Variants in NIPA1 observed in about 807,000 individuals in gnomAD.
The protein encoded by NIPA1 is magnesium transporter NIPA1.
Under a neutral mutation model 23.9 loss-of-function variants are expected in NIPA1, and 13 were observed. The observed-to-expected ratio is 0.54, with a 90% CI of 0.35 to 0.87. NIPA1 has a LOEUF of 0.87. NIPA1 is among the 40% of genes least tolerant of loss of function. The probability of loss-of-function intolerance (pLI) is 0.01; values close to 1 mark genes in which losing one functional copy is unlikely to be tolerated. For synonymous variants in NIPA1, 234 were observed against 202.9 expected, an observed-to-expected ratio of 1.15 and a Z score of -1.30; for missense variants, 362 against 429.7, an observed-to-expected ratio of 0.84 and a Z score of 1.39.
intron 1 of NIPA1, among the ~76,000 whole-genome samples, chr15:22,791,671 G>T (rs1310238256): frequency 6.6e-6 from 1 of 151,572 alleles, no homozygotes; most frequent in Non-Finnish European, 1.5e-5. Flanking sequence ...TTGAGTAGAG[G>T]CAGGGTTTCA....
rs1315313340 is a variant in NIPA1 at position 22,825,646 on chromosome 15, C to T, written c.*1407C>T. ...ATAGCTCATATATCGAGTACCCTGTCATACAGGAACAAGTTAAAGGACACA... is the reference window on the plus strand; with the variant it reads ...ATAGCTCATATATCGAGTACCCTGTTATACAGGAACAAGTTAAAGGACACA... On this transcript the variant is annotated 3_prime_UTR_variant, in exon 5 of 5. Transcript: ENST00000337435. 3.3e-5 allele frequency: 5 copies of T among 152,166 alleles called. No homozygotes were observed. Among genetic ancestry groups the T allele is most frequent in the East Asian group, 1.9e-4 (1 of 5,196 alleles). 9.4% of individuals were successfully genotyped at this position (152,166 alleles called of 1,614,324 possible).
intron 3 of NIPA1, among the ~76,000 whole-genome samples, chr15:22,815,046 A>T (rs1403443231): frequency 6.6e-6 from 1 of 152,156 alleles, no homozygotes; most frequent in African/African-American, 2.4e-5. Flanking sequence ...CTGCGGGGCA[A>T]ACCACCCCTG....
At chr15:22,809,283 A>G (rs892350530) in intron 1 of NIPA1, among the ~76,000 whole-genome samples, 1 of 152,100 alleles carries the variant, frequency 6.6e-6, no homozygotes, top group African/African-American at 2.4e-5. Context: ...GCTACTTGGG[A>G]GGCTGAAGCA....
intron 3 of NIPA1, among the ~76,000 whole-genome samples, chr15:22,813,325 T>C (rs917690810): frequency 3.7e-4 from 56 of 152,116 alleles, no homozygotes; most frequent in African/African-American, 1.3e-3. Context: ...TTCTCCATTT[T>C]AAATCATCTT....
chr15:22,825,229 C>CA lies in NIPA1; in HGVS notation c.*992dup, dbSNP rs1385341788. The CA allele has an allele frequency of 6.6e-6, 1 of 152,152 alleles. No individual in the cohort carries two copies. Among genetic ancestry groups the CA allele is most frequent in the African/African-American group, 2.4e-5 (1 of 41,402 alleles). 9.4% of individuals were successfully genotyped at this position (152,152 alleles called of 1,614,324 possible). ...ATGTGACCGCACTGAATACCGCAGG[C>CA]AATTGTAACACAGTGGTGAGTATTT... On this transcript the variant is annotated 3_prime_UTR_variant, in exon 5 of 5. Coordinates refer to ENST00000337435, the MANE Select transcript of NIPA1 (RefSeq NM_144599.5).
Position 22,786,675 on chromosome 15 carries a change from G to T in NIPA1, c.19G>T (p.Ala7Ser). Residue 7 changes from alanine (A) to serine (S), a missense_variant, in exon 1 of 5, where the codon GCA (alanine) becomes TCA (serine). Physicochemically the swap from Ala to Ser is moderately conservative, Grantham distance 99 (BLOSUM62 1). Coordinates refer to ENST00000337435, the MANE Select transcript of NIPA1 (RefSeq NM_144599.5). The part of the protein sequence containing the change: MGTAAA[A>S]AAAAAAAAAG... ...GGGCGGAATGGGGACTGCAGCTGCGGCAGCGGCGGCGGCGGCGGCGGCGGC... is the reference window on the plus strand; with the variant it reads ...GGGCGGAATGGGGACTGCAGCTGCGTCAGCGGCGGCGGCGGCGGCGGCGGC... 9.3e-7 allele frequency: 1 copy of T among 1,076,532 alleles called. No homozygotes were observed. Among genetic ancestry groups the T allele is most frequent in the Admixed American group, 5.0e-5 (1 of 19,998 alleles). 66.7% of individuals were successfully genotyped at this position (1,076,532 alleles called of 1,614,324 possible). A position where few individuals can be genotyped will look rare whatever the true frequency, so the allele number is the denominator to read the frequency against.
intron 1 of NIPA1, among the ~76,000 whole-genome samples, chr15:22,806,063 A>T (rs1895203431): frequency 6.6e-6 from 1 of 152,098 alleles, no homozygotes; most frequent in South Asian, 2.1e-4. Flanking sequence ...AGCTGGGACT[A>T]CAGGCGCCCG....
In NIPA1 at chr15:22,787,666, G is replaced by T. The variant is rs1894739140; in HGVS notation, c.178+832G>T. Among the ~76,000 whole-genome samples, 3 of 152,188 alleles carry T rather than the reference G, an allele frequency of 2.0e-5. No homozygotes were observed. In the South Asian group the frequency reaches 6.2e-4, roughly 31 times the overall value. ...GATATGGCAGGCTGTGAAACAGTCCGTTTCCATTGCTTCCAGAGGGACTGA... is the reference window on the plus strand; with the variant it reads ...GATATGGCAGGCTGTGAAACAGTCCTTTTCCATTGCTTCCAGAGGGACTGA... On this transcript the variant is annotated intron_variant, in intron 1 of 4. Transcript: ENST00000337435.
At chr15:22,822,932 T>C (rs1238549987) in intron 4 of NIPA1, among the ~76,000 whole-genome samples, 2 of 113,144 alleles carry the variant, frequency 1.8e-5, no homozygotes, top group Admixed American at 1.7e-4. Flanking sequence ...TTTTTTTTTT[T>C]TTTTGAGACG....
intron 1 of NIPA1, among the ~76,000 whole-genome samples, chr15:22,788,884 A>T (rs1894767707): frequency 7.7e-6 from 1 of 130,110 alleles, no homozygotes; most frequent in African/African-American, 2.9e-5. Context: ...GTGCCATTGC[A>T]CTCCAGCCCG....
intron 1 of NIPA1, among the ~76,000 whole-genome samples, chr15:22,792,380 A>G (rs544448491): frequency 3.3e-5 from 5 of 150,338 alleles, no homozygotes; most frequent in African/African-American, 1.2e-4. Flanking sequence ...TTTTTTTGAG[A>G]CGGAGTCTCG....
intron 3 of NIPA1, chr15:22,813,545 G>T (rs1237313454): frequency 9.2e-6 from 4 of 433,562 alleles, no homozygotes; most frequent in Non-Finnish European, 1.4e-5. Context: ...TGTCTTTGAA[G>T]AAATCATTAG....
chr15:22,809,445 TCTC>T (rs1163536100), intron 1 of NIPA1, among the ~76,000 whole-genome samples: 2 of 151,688 alleles, frequency 1.3e-5, no homozygotes, highest in African/African-American at 4.8e-5. Context: ...CAACAAAAAA[TCTC>T]CTCAAAAAAT....
At position 22,817,894 on chromosome 15, in the gene NIPA1, C is replaced by T. The variant is rs144994047; in HGVS notation, c.318-2419C>T. 2.0e-3 allele frequency among the ~76,000 whole-genome samples: 301 copies of T among 152,024 alleles called. 3 individuals carry two copies. Among genetic ancestry groups the T allele is most frequent in the African/African-American group, 7.0e-3 (289 of 41,468 alleles). ...GAAAGCAATTTCATATGCAGTAGCA[C>T]CAAAATGATGAAATACTTAAGAATA... On this transcript the variant is annotated intron_variant, in intron 3 of 4. Coordinates refer to ENST00000337435, the MANE Select transcript of NIPA1 (RefSeq NM_144599.5).
rs1047648560 is a variant in NIPA1 at position 22,823,629 on chromosome 15, C to T, written c.479-99C>T. ...GCTGTGCCGCAGTAGAGGCCGGTGG[C>T]GGGTGGCGGGTGGGGGCCCGGGTGC... On this transcript the variant is annotated intron_variant, in intron 4 of 4. Coordinates refer to ENST00000337435, the MANE Select transcript of NIPA1 (RefSeq NM_144599.5). 1.5e-5 allele frequency: 18 copies of T among 1,223,710 alleles called. No individual in the cohort carries two copies. The East Asian group carries it at 3.3e-4, about 22-fold the overall frequency. 75.8% of individuals were successfully genotyped at this position (1,223,710 alleles called of 1,614,324 possible). A position where few individuals can be genotyped will look rare whatever the true frequency, so the allele number is the denominator to read the frequency against.
intron 1 of NIPA1, among the ~76,000 whole-genome samples, chr15:22,807,829 G>C (rs1264561715): frequency 8.0e-6 from 1 of 124,294 alleles, no homozygotes; most frequent in Non-Finnish European, 1.6e-5. Flanking sequence ...TGTTGCCCAG[G>C]CTGGAGTGCA....
At chr15:22,812,546 G>A (rs1306449337) in intron 3 of NIPA1, among the ~76,000 whole-genome samples, 6 of 151,878 alleles carry the variant, frequency 4.0e-5, no homozygotes, top group East Asian at 1.9e-4. Context: ...CTAGCTACTC[G>A]GGAGGGTGAG....
rs891985929 is a variant in NIPA1 at position 22,827,047 on chromosome 15, T to C, written c.*2808T>C. The C allele has an allele frequency of 6.6e-6, 1 of 151,786 alleles. No homozygotes were observed. Among genetic ancestry groups the C allele is most frequent in the Non-Finnish European group, 1.5e-5 (1 of 68,016 alleles). 9.4% of individuals were successfully genotyped at this position (151,786 alleles called of 1,614,324 possible). A position where few individuals can be genotyped will look rare whatever the true frequency, so the allele number is the denominator to read the frequency against. On this transcript the variant is annotated 3_prime_UTR_variant, in exon 5 of 5. Transcript: ENST00000337435. ...GGAGGGCCTAGAACATGGATAGATC[T>C]CTTAGTGGTCTTTCCAAAAGTACAT... is the stretch of plus-strand genomic sequence containing the variant.
At chr15:22,812,298 A>G (rs752409843) in intron 3 of NIPA1, 45 bp downstream of exon 3, 4 of 1,333,544 alleles carry the variant, frequency 3.0e-6, no homozygotes, top group Non-Finnish European at 4.3e-6. Flanking sequence ...TAGTGTAGAT[A>G]TAACAACTTT....
Sources: gnomAD v4.1 joint callset for allele counts (sites outside exome capture counted in the v4.1 genomes callset) on GRCh38, gnomAD v4.1.1 for gene constraint, MANE v1.5 for transcripts, NCBI Gene and HGNC (gene_info 2026-07-23, HGNC 2026-07-21) for gene names.